The following SNTG2 variants were observed in gnomAD, a reference collection of about 807,000 sequenced individuals.
The protein encoded by SNTG2 is gamma-2-syntrophin.
A neutral mutation model predicts 70.9 loss-of-function variants in SNTG2; 74 were observed. That is an observed-to-expected ratio of 1.04 (90% confidence interval 0.86 to 1.27). The LOEUF is 1.27. Ranked by LOEUF, SNTG2 falls within the 50% of genes most tolerant of loss-of-function variation. The pLI, the probability that SNTG2 is intolerant of heterozygous loss-of-function variation, is 0.00. For synonymous variants in SNTG2, 278 were observed against 273.8 expected, an observed-to-expected ratio of 1.02 and a Z score of -0.15; for missense variants, 717 against 690.7, an observed-to-expected ratio of 1.04 and a Z score of -0.43.
At chr2:1,302,584 GA>G (rs1017679127) in intron 14 of SNTG2, among the ~76,000 whole-genome samples, 3 of 147,518 alleles carry the variant, frequency 2.0e-5, no homozygotes, top group Non-Finnish European at 4.5e-5. Flanking sequence ...AGTTAGGCAG[GA>G]AAAAAAAGAG....
At chr2:1,283,195 G>A (rs938941141) in intron 14 of SNTG2, among the ~76,000 whole-genome samples, 1 of 152,060 alleles carries the variant, frequency 6.6e-6, no homozygotes, top group Admixed American at 6.5e-5. Flanking sequence ...TGCCGCCCAC[G>A]CCCTAACTCC....
chr2:1,347,302 G>A (rs1023341858), intron 16 of SNTG2, among the ~76,000 whole-genome samples: 2 of 152,132 alleles, frequency 1.3e-5, no homozygotes, highest in African/African-American at 4.8e-5. Flanking sequence ...CAGGGATCCT[G>A]CAGGGCAGGG....
chr2:1,196,997 C>A (rs534918074), intron 8 of SNTG2, among the ~76,000 whole-genome samples: 1 of 152,094 alleles, frequency 6.6e-6, no homozygotes, highest in South Asian at 2.1e-4. Flanking sequence ...CAAGTGTTAA[C>A]CACTACAGAA....
rs565914639 is a variant in SNTG2 at position 1,135,112 on chromosome 2, A to C, written c.326-2510A>C. 7.0e-4 allele frequency among the ~76,000 whole-genome samples: 106 copies of C among 152,252 alleles called. No homozygotes were observed. The Middle Eastern group carries it at 0.02, about 29-fold the overall frequency. ...CTATGTGCGTTTTTCTGATGTCTGG[A>C]GGCGGCTTCTGACCAACTCTAGAGC... is the stretch of plus-strand genomic sequence containing the variant. On this transcript the variant is annotated intron_variant, in intron 4 of 16. Transcript: ENST00000308624.
chr2:1,177,520 C>G (rs1462122293), intron 8 of SNTG2, among the ~76,000 whole-genome samples: 1 of 151,032 alleles, frequency 6.6e-6, no homozygotes, highest in Non-Finnish European at 1.5e-5. Context: ...TAAAAGGAAC[C>G]AGAAGTTAAA....
At chr2:964,390 G>A (rs1048301868) in intron 1 of SNTG2, among the ~76,000 whole-genome samples, 1 of 152,174 alleles carries the variant, frequency 6.6e-6, no homozygotes, top group Non-Finnish European at 1.5e-5. Flanking sequence ...TGCTTCAGGT[G>A]CCTTTAGGAT....
intron 13 of SNTG2, among the ~76,000 whole-genome samples, chr2:1,263,296 T>C (rs894672941): frequency 1.3e-5 from 2 of 152,224 alleles, no homozygotes; most frequent in Admixed American, 6.5e-5. Context: ...TATACAGTTA[T>C]ATGTACAAAT....
chr2:1,257,953 G>T (rs1444233730), intron 12 of SNTG2, among the ~76,000 whole-genome samples: 4 of 152,108 alleles, frequency 2.6e-5, no homozygotes, highest in African/African-American at 4.8e-5. Flanking sequence ...TGTTTAGTGG[G>T]TTTTTTTTCC....
intron 4 of SNTG2, among the ~76,000 whole-genome samples, chr2:1,100,262 G>T (rs1187577230): frequency 2.0e-5 from 3 of 152,010 alleles, no homozygotes; most frequent in Non-Finnish European, 4.4e-5. Flanking sequence ...CACCTCCCAG[G>T]TTCAAGCGAT....
chr2:1,180,880 A>C (rs547460166), intron 8 of SNTG2, among the ~76,000 whole-genome samples: 62 of 152,280 alleles, frequency 4.1e-4, no homozygotes, highest in African/African-American at 1.5e-3. Flanking sequence ...ATGGAATACT[A>C]TGCAGCCATA....
intron 8 of SNTG2, among the ~76,000 whole-genome samples, chr2:1,187,179 A>C (rs1672301410): frequency 6.6e-6 from 1 of 152,254 alleles, no homozygotes; most frequent in African/African-American, 2.4e-5. Context: ...GAATTTACAA[A>C]TTCAGAAAGA....
At chr2:1,115,904 C>A (rs754190851) in intron 4 of SNTG2, among the ~76,000 whole-genome samples, 1 of 152,228 alleles carries the variant, frequency 6.6e-6, no homozygotes, top group Admixed American at 6.5e-5. Flanking sequence ...AATGTTCAAG[C>A]CCCATTCTGC....
At chr2:1,191,773 G>A (rs1346238722) in intron 8 of SNTG2, among the ~76,000 whole-genome samples, 3 of 152,140 alleles carry the variant, frequency 2.0e-5, no homozygotes, top group Non-Finnish European at 4.4e-5. Flanking sequence ...CCAGCCTGGC[G>A]ACAGAGCGAG....
chr2:1,332,061 G>A (rs1659560231), intron 16 of SNTG2, among the ~76,000 whole-genome samples: 1 of 152,208 alleles, frequency 6.6e-6, no homozygotes, highest in South Asian at 2.1e-4. Context: ...TCATCTCCAG[G>A]CCTTTGTTGG....
intron 9 of SNTG2, among the ~76,000 whole-genome samples, chr2:1,224,956 A>C (rs1473156018): frequency 6.6e-6 from 1 of 152,246 alleles, no homozygotes; most frequent in Admixed American, 6.5e-5. Flanking sequence ...GGAAAAATGC[A>C]GTGTTAGGCA....
At chr2:1,218,721 A>C (rs993238601) in intron 9 of SNTG2, among the ~76,000 whole-genome samples, 1 of 152,198 alleles carries the variant, frequency 6.6e-6, no homozygotes, top group Non-Finnish European at 1.5e-5. Flanking sequence ...CTGGGGAAGC[A>C]GGTGGTATGA....
intron 6 of SNTG2, among the ~76,000 whole-genome samples, chr2:1,148,425 C>A (rs1006412577): frequency 1.3e-5 from 2 of 152,154 alleles, no homozygotes; most frequent in Non-Finnish European, 2.9e-5. Context: ...GAAGTGGGAA[C>A]CCAGAGCTGG....
intron 4 of SNTG2, among the ~76,000 whole-genome samples, chr2:1,122,287 A>G (rs1306471018): frequency 6.6e-6 from 1 of 152,194 alleles, no homozygotes; most frequent in Non-Finnish European, 1.5e-5. Flanking sequence ...ACCTAAGCTG[A>G]ACAAAGATGT....
chr2:971,567 C>T (rs953659724), intron 1 of SNTG2, among the ~76,000 whole-genome samples: 1 of 151,744 alleles, frequency 6.6e-6, no homozygotes, highest in African/African-American at 2.4e-5. Context: ...GTCTGGCTAG[C>T]AGTATATCCA....
Sources: gnomAD v4.1 joint callset for allele counts (sites outside exome capture counted in the v4.1 genomes callset) on GRCh38, gnomAD v4.1.1 for gene constraint, MANE v1.5 for transcripts, NCBI Gene and HGNC (gene_info 2026-07-23, HGNC 2026-07-21) for gene names.